The following TMA16 variants were observed in gnomAD, a reference collection of about 807,000 sequenced individuals.
The protein encoded by TMA16 is translation machinery associated 16 homolog.
In TMA16, 26 loss-of-function variants were observed where a neutral mutation model predicts 27.1. That is an observed-to-expected ratio of 0.96 (90% confidence interval 0.70 to 1.33). The LOEUF (loss-of-function observed/expected upper bound fraction) is 1.33. Ranked by LOEUF, TMA16 falls within the 40% of genes most tolerant of loss-of-function variation. TMA16 has a pLI of 0.00. For synonymous variants in TMA16, 71 were observed against 81.9 expected (o/e 0.87, Z 0.72); for missense variants, 233 against 241.4 (o/e 0.97, Z 0.23).
At chr4:163,500,222 T>C (rs1737630263) in intron 1 of TMA16, among the ~76,000 whole-genome samples, 1 of 150,342 alleles carries the variant, frequency 6.7e-6, no homozygotes, top group Non-Finnish European at 1.5e-5. Context: ...TTTTTTTTTT[T>C]TTTTTTGAGT....
intron 5 of TMA16, 86 bp downstream of exon 5, chr4:163,515,547 T>C: frequency 7.3e-7 from 1 of 1,369,900 alleles, no homozygotes; most frequent in Non-Finnish European, 9.7e-7. Flanking sequence ...TTTTAGATCT[T>C]GTTTATTTCA....
At chr4:163,501,862 G>A (rs1737654667) in intron 1 of TMA16, among the ~76,000 whole-genome samples, 1 of 152,030 alleles carries the variant, frequency 6.6e-6, no homozygotes, top group Admixed American at 6.6e-5. Context: ...ACTTTCTCAG[G>A]GAGGCCTTTC....
chr4:163,494,886 G>C (rs556811934), intron 1 of TMA16, 82 bp downstream of exon 1: 1 of 1,589,226 alleles, frequency 6.3e-7, no homozygotes, highest in South Asian at 1.1e-5. Context: ...GGAGGGTGCG[G>C]TTTCGGGAAC....
In TMA16 at chr4:163,507,074, A is replaced by C. The variant is rs1362369021; in HGVS notation, c.45A>C (p.Lys15Asn). The C allele has an allele frequency of 6.3e-7, 1 of 1,595,970 alleles. No homozygotes were observed. The highest frequency in any genetic ancestry group is 2.2e-5 in the East Asian group (1 of 44,536). ...PKGKSAGREK[K>N]VIHPYSRKAA... ...GAAAAAGTGCAGGACGGGAAAAAAA[A>C]GTCATCCATCCATATAGTAGAAAAG... The change falls in exon 2 of 7, where the codon AAA (lysine) becomes AAC (asparagine). Residue 15 changes from lysine to asparagine, a missense_variant. Lys to Asn is a moderately conservative substitution (Grantham distance 94, BLOSUM62 0). Transcript: ENST00000358572.
chr4:163,519,778 A>G lies in TMA16; in HGVS notation c.*264A>G, dbSNP rs1285155807. ...CTGAATTTCAGGCTGGGAGGGAGCA[A>G]TATAACTAAGGACAAAAAATGTTTT... On this transcript the variant is annotated 3_prime_UTR_variant, in exon 7 of 7. Coordinates refer to ENST00000358572, the MANE Select transcript of TMA16 (RefSeq NM_018352.3). 3 of 503,186 alleles carry G rather than the reference A, an allele frequency of 6.0e-6. No individual in the cohort carries two copies. The highest frequency in any genetic ancestry group is 3.6e-5 in the East Asian group (1 of 27,720). 31.2% of individuals were successfully genotyped at this position (503,186 alleles called of 1,614,324 possible). A position where few individuals can be genotyped will look rare whatever the true frequency, so the allele number is the denominator to read the frequency against.
intron 1 of TMA16, among the ~76,000 whole-genome samples, chr4:163,499,451 T>TG (rs1434600343): frequency 6.6e-6 from 1 of 152,194 alleles, no homozygotes; most frequent in Non-Finnish European, 1.5e-5. Flanking sequence ...TATGCTTAAA[T>TG]GTGTTCTATG....
In TMA16 at chr4:163,517,455, C is replaced by G; in HGVS notation, c.410C>G (p.Ala137Gly). ...YGLEIPDILNASNLKTFREWD... is the reference protein window; with the variant it reads ...YGLEIPDILNGSNLKTFREWD... The stretch of plus-strand genomic sequence containing the variant: ...CCAGAGATTCCAGACATTCTAAATG[C>G]AAGTAATCTGAAAACATTTAGGTGA... The change falls in exon 6 of 7, where the codon GCA (alanine) becomes GGA (glycine). Residue 137 changes from alanine (A) to glycine (G), a missense_variant. By Grantham distance (60) the Ala-to-Gly change is moderately conservative (BLOSUM62 0). Coordinates refer to ENST00000358572, the MANE Select transcript of TMA16 (RefSeq NM_018352.3). The G allele has an allele frequency of 6.2e-7, 1 of 1,613,406 alleles. No homozygotes were observed. Among genetic ancestry groups the G allele is most frequent in the Non-Finnish European group, 8.5e-7 (1 of 1,179,698 alleles).
intron 1 of TMA16, among the ~76,000 whole-genome samples, chr4:163,498,263 T>TAATAAA (rs11283195): frequency 6.7e-6 from 1 of 149,458 alleles, no homozygotes; most frequent in East Asian, 2.0e-4. Flanking sequence ...TAGAATAAAT[T>TAATAAA]AATAGAATTT....
At chr4:163,500,720 C>T (rs193018637) in intron 1 of TMA16, among the ~76,000 whole-genome samples, 7 of 152,194 alleles carry the variant, frequency 4.6e-5, no homozygotes, top group African/African-American at 1.7e-4. Context: ...TTTTCAGGGC[C>T]AGGCCAACAA....
intron 1 of TMA16, among the ~76,000 whole-genome samples, chr4:163,505,351 T>A (rs575291248): frequency 7.9e-5 from 12 of 152,340 alleles, no homozygotes; most frequent in African/African-American, 2.9e-4. Context: ...TGTAACCAAC[T>A]TCCAGTGATA....
Position 163,519,944 on chromosome 4 carries a change from C to T in TMA16, c.*430C>T. The T allele has an allele frequency of 1.7e-6, 1 of 581,916 alleles. No individual in the cohort carries two copies. Among genetic ancestry groups the T allele is most frequent in the Non-Finnish European group, 3.1e-6 (1 of 323,090 alleles). The allele number at this position is 581,916 out of a possible 1,614,324, so 36.0% of individuals were successfully genotyped here. On this transcript the variant is annotated 3_prime_UTR_variant, in exon 7 of 7. Transcript: ENST00000358572. ...TTTCGGTAATAATATCACACTAATG[C>T]TTCTTTTAAACATTAAACCTATTTT...
At chr4:163,501,943 TA>T (rs1341206373) in intron 1 of TMA16, among the ~76,000 whole-genome samples, 1 of 152,224 alleles carries the variant, frequency 6.6e-6, no homozygotes, top group Admixed American at 6.5e-5. Flanking sequence ...CTAAGTTAGC[TA>T]TTCCTGAGAA....
chr4:163,497,385 G>A (rs1303621996), intron 1 of TMA16, among the ~76,000 whole-genome samples: 1 of 152,164 alleles, frequency 6.6e-6, no homozygotes, highest in African/African-American at 2.4e-5. Context: ...CATAAAAATT[G>A]TATTAGTTTC....
At chr4:163,496,758 C>G (rs1162744710) in intron 1 of TMA16, among the ~76,000 whole-genome samples, 1 of 151,924 alleles carries the variant, frequency 6.6e-6, no homozygotes, top group Non-Finnish European at 1.5e-5. Context: ...CCACCACACC[C>G]AGCTAATTTT....
Position 163,507,128 on chromosome 4 carries a change from A to G in TMA16, c.99A>G (p.Lys33=), listed in dbSNP as rs1462579705. The G allele has an allele frequency of 6.3e-7, 1 of 1,578,776 alleles. No homozygotes were observed. Among genetic ancestry groups the G allele is most frequent in the African/African-American group, 1.3e-5 (1 of 74,136 alleles). ...CTCAAATTACGAGAGAGGCCCACAA[A>G]CAAGAAAAAAAGGAAAAGTAAGTAT... ...KAAQITREAH[K]QEKKEKLKNE... The change falls in exon 2 of 7, where the codon AAA becomes AAG. Residue 33 remains lysine, a synonymous_variant. Transcript: ENST00000358572.
intron 1 of TMA16, among the ~76,000 whole-genome samples, chr4:163,499,244 T>C (rs1485273529): frequency 6.6e-6 from 1 of 152,182 alleles, no homozygotes; most frequent in Non-Finnish European, 1.5e-5. Context: ...TTAACTCTTT[T>C]GTTTGTGTTG....
chr4:163,509,487 C>G (rs1411246749), intron 2 of TMA16, among the ~76,000 whole-genome samples: 1 of 152,156 alleles, frequency 6.6e-6, no homozygotes, highest in African/African-American at 2.4e-5. Flanking sequence ...AATCCCGTTG[C>G]CACTTAACTG....
chr4:163,502,738 A>G (rs1183282951), intron 1 of TMA16, among the ~76,000 whole-genome samples: 1 of 152,150 alleles, frequency 6.6e-6, no homozygotes, highest in Non-Finnish European at 1.5e-5. Flanking sequence ...CATCATATTT[A>G]TGTGTTAAGG....
intron 1 of TMA16, among the ~76,000 whole-genome samples, chr4:163,501,822 G>C (rs534229681): frequency 2.0e-5 from 3 of 152,258 alleles, no homozygotes; most frequent in African/African-American, 7.2e-5. Flanking sequence ...GAAATGTTTA[G>C]TAAATTTCTT....
Sources: gnomAD v4.1 joint callset for allele counts (sites outside exome capture counted in the v4.1 genomes callset) on GRCh38, gnomAD v4.1.1 for gene constraint, MANE v1.5 for transcripts, NCBI Gene and HGNC (gene_info 2026-07-23, HGNC 2026-07-21) for gene names.